Variants in STX11 observed in about 807,000 individuals in gnomAD.
The protein encoded by STX11 is syntaxin 11.
STX11 carries 21 observed loss-of-function variants against 19.9 expected under a neutral mutation model. That is an observed-to-expected ratio of 1.06 (90% CI 0.75 to 1.52). The LOEUF (loss-of-function observed/expected upper bound fraction) is 1.52, where lower values mean the gene tolerates loss of function less well. STX11 is among the 40% of genes most tolerant of loss of function. The pLI, the probability that STX11 is intolerant of heterozygous loss-of-function variation, is 0.00. For synonymous variants in STX11, 193 were observed against 174.4 expected (o/e 1.11, Z -0.84); for missense variants, 438 against 405.9 (o/e 1.08, Z -0.68).
chr6:144,167,200 A>G lies in STX11; in HGVS notation c.-6+16497A>G, dbSNP rs1248614367. Among the ~76,000 whole-genome samples the G allele has an allele frequency of 1.3e-5, 2 of 152,230 alleles. No homozygotes were observed. Among genetic ancestry groups the G allele is most frequent in the African/African-American group, 2.4e-5 (1 of 41,458 alleles). On this transcript the variant is annotated intron_variant, in intron 1 of 1. Coordinates refer to ENST00000367568, the MANE Select transcript of STX11 (RefSeq NM_003764.4). The surrounding 1 kb of genome is among the most constrained non-coding windows in gnomAD (Gnocchi z 5.0). ...GAATTAGTATATATAGTTGTATTAG[A>G]TGATGGAAAATTGTTACTTTTCATG...
Position 144,155,034 on chromosome 6 carries a change from T to C in STX11, c.-6+4331T>C, listed in dbSNP as rs1346176614. Among the ~76,000 whole-genome samples, 1 of 152,210 alleles carries C rather than the reference T, an allele frequency of 6.6e-6. No individual in the cohort carries two copies. The highest frequency in any genetic ancestry group is 1.5e-5 in the Non-Finnish European group (1 of 68,026). ...CTGACTTGGATTAATATCCTGATTTTTGTTCAGCAATCAGGGACTAAGAAT... is the reference window on the plus strand; with the variant it reads ...CTGACTTGGATTAATATCCTGATTTCTGTTCAGCAATCAGGGACTAAGAAT... On this transcript the variant is annotated intron_variant, in intron 1 of 1. Transcript: ENST00000367568. The surrounding 1 kb of genome is among the most constrained non-coding windows in gnomAD (Gnocchi z 4.5).
upstream of STX11, among the ~76,000 whole-genome samples, chr6:144,148,297 C>T (rs1191190361): frequency 6.6e-6 from 1 of 152,176 alleles, no homozygotes; most frequent in African/African-American, 2.4e-5. Context: ...GCTCCTGCCT[C>T]GGGGCCTTTA....
rs758032054 is a variant in STX11 at position 144,187,222 on chromosome 6, GGC to G, written c.601_602del (p.Arg201GlyfsTer153). 6.2e-7 allele frequency: 1 copy of G among 1,613,826 alleles called. No individual in the cohort carries two copies. The highest frequency in any genetic ancestry group is 8.5e-7 in the Non-Finnish European group (1 of 1,180,006). On this transcript the variant is annotated frameshift_variant, in exon 2 of 2. Transcript: ENST00000367568. LOFTEE classifies it high-confidence loss of function. The surrounding 1 kb of genome is among the most constrained non-coding windows in gnomAD (Gnocchi z 5.6). Reference protein sequence around the residue: ...FSENLLADVKGARAALNEIES... With the variant: ...FSENLLADVKXARAALNEIES... ...CGAGAACTTGCTGGCCGACGTGAAG[GGC>G]GCGCGGGCCGCCCTCAACGAGATCG... is the stretch of plus-strand genomic sequence containing the variant.
rs149740241 is a variant in STX11 at position 144,189,025 on chromosome 6, C to CT, written c.*1540dup. 8.5e-3 allele frequency among the ~76,000 whole-genome samples: 1,287 copies of CT among 151,060 alleles called. 36 individuals are homozygous for CT. In the East Asian group the frequency reaches 0.1, roughly 12 times the overall value. On this transcript the variant is annotated 3_prime_UTR_variant, in exon 2 of 2. Coordinates refer to ENST00000367568, the MANE Select transcript of STX11 (RefSeq NM_003764.4). The stretch of plus-strand genomic sequence containing the variant: ...ACAGGTGTGAGCCACCATGCCTGGC[C>CT]TTTTTTCCCCCCTTTTGAGACAGGG...
chr6:144,170,785 C>A lies in STX11; in HGVS notation c.-5-15838C>A, dbSNP rs1801608529. Reference sequence around the variant, plus strand: ...TAGTAGTGTAATTAACAAATGGCATCATTTATACAAATAGTTACTGAATCT... The same window carrying A: ...TAGTAGTGTAATTAACAAATGGCATAATTTATACAAATAGTTACTGAATCT... On this transcript the variant is annotated intron_variant, in intron 1 of 1. Coordinates refer to ENST00000367568, the MANE Select transcript of STX11 (RefSeq NM_003764.4). The surrounding 1 kb of genome is among the most constrained non-coding windows in gnomAD (Gnocchi z 4.7). 6.6e-6 allele frequency among the ~76,000 whole-genome samples: 1 copy of A among 152,066 alleles called. No individual in the cohort carries two copies. The highest frequency in any genetic ancestry group is 2.4e-5 in the African/African-American group (1 of 41,388).
Position 144,186,778 on chromosome 6 carries a change from A to G in STX11, c.151A>G (p.Ile51Val). The G allele has an allele frequency of 6.2e-6, 10 of 1,614,034 alleles. No homozygotes were observed. The highest frequency in any genetic ancestry group is 8.5e-6 in the Non-Finnish European group (10 of 1,180,020). The change falls in exon 2 of 2, where the codon ATT becomes GTT. Residue 51 changes from isoleucine to valine, a missense_variant. Transcript: ENST00000367568. Reference protein sequence around the residue: ...LESLYRDIRDIQDENQLLVAD... With the variant: ...LESLYRDIRDVQDENQLLVAD... ...GTCCCTGTACCGAGACATCCGGGAC[A>G]TTCAGGATGAAAACCAGCTGCTGGT... is the stretch of plus-strand genomic sequence containing the variant.
rs564162918 is a variant in STX11 at position 144,172,241 on chromosome 6, A to G, written c.-5-14382A>G. 5.9e-5 allele frequency among the ~76,000 whole-genome samples: 9 copies of G among 152,334 alleles called. No individual in the cohort carries two copies. The highest frequency in any genetic ancestry group is 5.9e-5 in the Non-Finnish European group (4 of 68,026). ...AGATAATCCATGTAAACCTTCCACA[A>G]CAGTCTCTGGCAGATAGTAAGCACC... On this transcript the variant is annotated intron_variant, in intron 1 of 1. Transcript: ENST00000367568. This position sits in a 1 kb window ranked among gnomAD's most constrained non-coding sequence, Gnocchi z 4.2.
chr6:144,181,778 G>A (rs182511643), intron 1 of STX11, among the ~76,000 whole-genome samples: 4 of 152,158 alleles, frequency 2.6e-5, no homozygotes, highest in South Asian at 2.1e-4. Context: ...GCAGACCGAG[G>A]ACCACTGAGC....
upstream of STX11, among the ~76,000 whole-genome samples, chr6:144,148,392 G>A (rs1446693124): frequency 2.6e-5 from 4 of 152,110 alleles, no homozygotes; most frequent in Non-Finnish European, 5.9e-5. Flanking sequence ...ATCTTAGATG[G>A]CTTTGCAATA....
Position 144,150,647 on chromosome 6 carries a change from G to C in STX11, c.-62G>C. On this transcript the variant is annotated 5_prime_UTR_variant, in exon 1 of 2. Coordinates refer to ENST00000367568, the MANE Select transcript of STX11 (RefSeq NM_003764.4). ...CTTCTCCATCGCTGCGCCCACAGGGGACGCGCGCCCTGCCGGGAGAGGGGC... is the reference window on the plus strand; with the variant it reads ...CTTCTCCATCGCTGCGCCCACAGGGCACGCGCGCCCTGCCGGGAGAGGGGC... 1 of 985,358 alleles carries C rather than the reference G, an allele frequency of 1.0e-6. No individual in the cohort carries two copies. The highest frequency in any genetic ancestry group is 1.2e-6 in the Non-Finnish European group (1 of 829,944). The allele number at this position is 985,358 out of a possible 1,614,324, so 61.0% of individuals were successfully genotyped here.
chr6:144,168,950 G>A (rs193125052), intron 1 of STX11, among the ~76,000 whole-genome samples: 160 of 152,354 alleles, frequency 1.1e-3, no homozygotes, highest in African/African-American at 3.8e-3. Flanking sequence ...GGACAGATGT[G>A]AAGGAATAAC....
At chr6:144,158,654 C>G (rs1584020248) in intron 1 of STX11, among the ~76,000 whole-genome samples, 1 of 151,682 alleles carries the variant, frequency 6.6e-6, no homozygotes, top group African/African-American at 2.4e-5. Context: ...TTTAGGATAT[C>G]TTATGCCAGA....
At position 144,177,912 on chromosome 6, in the gene STX11, T is replaced by C. The variant is rs1406942060; in HGVS notation, c.-5-8711T>C. Reference sequence around the variant, plus strand: ...GTTGTGGTGACTTACTCCCTGTTTTTAGGACTGTAACAACTGAAGTGTTGC... The same window carrying C: ...GTTGTGGTGACTTACTCCCTGTTTTCAGGACTGTAACAACTGAAGTGTTGC... On this transcript the variant is annotated intron_variant, in intron 1 of 1. Coordinates refer to ENST00000367568, the MANE Select transcript of STX11 (RefSeq NM_003764.4). The surrounding 1 kb of genome is among the most constrained non-coding windows in gnomAD (Gnocchi z 4.4). 2.0e-5 allele frequency among the ~76,000 whole-genome samples: 3 copies of C among 152,222 alleles called. No homozygotes were observed. The highest frequency in any genetic ancestry group is 7.2e-5 in the African/African-American group (3 of 41,458).
At chr6:144,140,254 ATT>A in the STX11 span, among the ~76,000 whole-genome samples, 1,040 of 38,540 alleles carry the variant, frequency 0.027, 9 homozygotes, top group South Asian at 0.032. Context: ...ATATATATAT[ATT>A]TATTTATTTA....
In STX11 at chr6:144,155,377, T is replaced by C. The variant is rs1801109525; in HGVS notation, c.-6+4674T>C. ...GGGAGAATGTTCAAATGTCTAAAGC[T>C]TGAAGTTTTAAAATAGTTTCTCCAC... On this transcript the variant is annotated intron_variant, in intron 1 of 1. Transcript: ENST00000367568. This position sits in a 1 kb window ranked among gnomAD's most constrained non-coding sequence, Gnocchi z 4.5. Among the ~76,000 whole-genome samples, 1 of 152,190 alleles carries C rather than the reference T, an allele frequency of 6.6e-6. No homozygotes were observed. The highest frequency in any genetic ancestry group is 6.5e-5 in the Admixed American group (1 of 15,270).
intron 1 of STX11, among the ~76,000 whole-genome samples, chr6:144,161,867 A>G (rs1402377638): frequency 6.6e-6 from 1 of 152,152 alleles, no homozygotes; most frequent in Non-Finnish European, 1.5e-5. Context: ...TGGACCTCTA[A>G]GCTCCTTATC....
In STX11 at chr6:144,153,502, C is replaced by T. The variant is rs1208150333; in HGVS notation, c.-6+2799C>T. Among the ~76,000 whole-genome samples the T allele has an allele frequency of 7.2e-5, 11 of 152,098 alleles. No individual in the cohort carries two copies. Among genetic ancestry groups the T allele is most frequent in the Admixed American group, 7.2e-4 (11 of 15,274 alleles). On this transcript the variant is annotated intron_variant, in intron 1 of 1. Transcript: ENST00000367568. The surrounding 1 kb of genome is among the most constrained non-coding windows in gnomAD (Gnocchi z 5.0). ...TAGTGACGGCACAGAGGGAGGCCTA[C>T]GGAGACAGGAAGGGCCAGATCACAA...
At chr6:144,166,606 A>G (rs1584031868) in intron 1 of STX11, among the ~76,000 whole-genome samples, 1 of 148,414 alleles carries the variant, frequency 6.7e-6, no homozygotes, top group Non-Finnish European at 1.5e-5. Flanking sequence ...GCCCACTGCA[A>G]CCTCTGCCTC....
In STX11 at chr6:144,188,798, C is replaced by T. The variant is rs911783405; in HGVS notation, c.*1307C>T. Among the ~76,000 whole-genome samples the T allele has an allele frequency of 4.3e-5, 6 of 139,640 alleles. No individual in the cohort carries two copies. Among genetic ancestry groups the T allele is most frequent in the Admixed American group, 7.8e-5 (1 of 12,890 alleles). 91.6% of individuals were successfully genotyped at this position (139,640 alleles called of 152,430 possible). ...CTGGAGTGCAGTGGCAGGATCTTGG[C>T]TCATTGCAACCTCTGTCTCCCAGGT... On this transcript the variant is annotated 3_prime_UTR_variant, in exon 2 of 2. Coordinates refer to ENST00000367568, the MANE Select transcript of STX11 (RefSeq NM_003764.4).
Sources: allele counts gnomAD v4.1 joint callset (sites outside exome capture counted in the v4.1 genomes callset), GRCh38; gene constraint gnomAD v4.1.1; non-coding constraint Gnocchi (gnomAD v3.1); transcripts MANE v1.5; gene names NCBI Gene and HGNC (gene_info 2026-07-23, HGNC 2026-07-21).